ABCB4: variants seen among roughly 807,000 people sequenced by gnomAD.
ABCB4 encodes the protein ATP binding cassette subfamily B member 4.
A neutral mutation model predicts 145.7 loss-of-function variants in ABCB4; 76 were observed. That is an observed-to-expected ratio of 0.52 (90% CI 0.43 to 0.63). The LOEUF is 0.63. ABCB4 is among the 30% of genes least tolerant of loss of function. ABCB4 has a pLI of 0.00. For synonymous variants in ABCB4, 517 were observed against 566.8 expected (o/e 0.91, Z 1.25); for missense variants, 1,234 against 1,553.1 (o/e 0.79, Z 3.45).
the ABCB4 span, chr7:87,369,253 T>C: frequency 1.7e-6 from 1 of 574,874 alleles, no homozygotes; most frequent in Non-Finnish European, 3.1e-6. Context: ...ATGTGATATA[T>C]TTGATGACTA....
At chr7:87,465,473 G>A (rs1238558444) in intron 3 of ABCB4, among the ~76,000 whole-genome samples, 1 of 152,184 alleles carries the variant, frequency 6.6e-6, no homozygotes, top group East Asian at 1.9e-4. Flanking sequence ...TGCCTCTAGG[G>A]GTAGGGCATA....
At chr7:87,436,073 A>G (rs950806301) in intron 14 of ABCB4, among the ~76,000 whole-genome samples, 1 of 152,222 alleles carries the variant, frequency 6.6e-6, no homozygotes, top group Admixed American at 6.5e-5. Context: ...TAGACAGACT[A>G]TAGGAGAGAC....
chr7:87,391,229 G>A, the ABCB4 span, among the ~76,000 whole-genome samples: 2 of 152,214 alleles, frequency 1.3e-5, no homozygotes, highest in Non-Finnish European at 2.9e-5. Flanking sequence ...TTGCAGATGT[G>A]ATATCCCATC....
chr7:87,393,284 C>T, the ABCB4 span, among the ~76,000 whole-genome samples: 4 of 152,082 alleles, frequency 2.6e-5, no homozygotes, highest in Admixed American at 1.3e-4. Context: ...TGTCTTTATG[C>T]AGAACACTGT....
At chr7:87,368,959 A>C in the ABCB4 span, among the ~76,000 whole-genome samples, 1 of 152,250 alleles carries the variant, frequency 6.6e-6, no homozygotes, top group Non-Finnish European at 1.5e-5. Context: ...TCATAGCTAG[A>C]TATTACTGCA....
At chr7:87,374,795 T>C in the ABCB4 span, among the ~76,000 whole-genome samples, 1 of 152,034 alleles carries the variant, frequency 6.6e-6, no homozygotes, top group African/African-American at 2.4e-5. Context: ...AATTCCAATT[T>C]TGAATGATGA....
rs1284572827 is a variant in ABCB4, at chr7:87,407,892, T to G, written c.3279+145A>C. 3.1e-6 allele frequency: 3 copies of G among 954,290 alleles called. No individual in the cohort carries two copies. In the African/African-American group the frequency reaches 4.8e-5, roughly 15 times the overall value. 59.1% of individuals were successfully genotyped at this position (954,290 alleles called of 1,614,324 possible). ...ATTGTCCCCATATATTTCCCAGATA[T>G]GGTGCCAGTTGGGGTTTATAGAATG... On this transcript the variant is annotated intron_variant, in intron 25 of 27. Coordinates refer to ENST00000649586, the MANE Select transcript of ABCB4 (RefSeq NM_000443.4).
the ABCB4 span, among the ~76,000 whole-genome samples, chr7:87,378,194 A>C: frequency 6.6e-6 from 1 of 151,898 alleles, no homozygotes; most frequent in Non-Finnish European, 1.5e-5. Context: ...AAATACAAAA[A>C]TTAGCCTCAC....
chr7:87,395,516 C>T, the ABCB4 span, among the ~76,000 whole-genome samples: 1 of 152,198 alleles, frequency 6.6e-6, no homozygotes, highest in Non-Finnish European at 1.5e-5. Flanking sequence ...GCCAACACTA[C>T]TGTTTTGTGC....
At chr7:87,432,204 C>A (rs1410219795) in intron 14 of ABCB4, among the ~76,000 whole-genome samples, 2 of 152,066 alleles carry the variant, frequency 1.3e-5, no homozygotes, top group Admixed American at 6.6e-5. Context: ...GTTTAGTGGC[C>A]TCATATGTTT....
Position 87,440,404 on chromosome 7 carries a change from TGAAA to T in ABCB4, c.1357-6_1357-3del. The stretch of plus-strand genomic sequence containing the variant: ...AATATCCTGCCCATCAATGTTAATC[TGAAA>T]GAAAGAAATATTTCCTATTAAGTAT... On this transcript the variant is annotated splice_polypyrimidine_tract_variant and splice_region_variant and intron_variant, in intron 12 of 27. Coordinates refer to ENST00000649586, the MANE Select transcript of ABCB4 (RefSeq NM_000443.4). 6.2e-7 allele frequency: 1 copy of T among 1,612,752 alleles called. No homozygotes were observed.
At chr7:87,378,160 G>A in the ABCB4 span, among the ~76,000 whole-genome samples, 1 of 151,812 alleles carries the variant, frequency 6.6e-6, no homozygotes, top group Admixed American at 6.6e-5. Flanking sequence ...TCTGGGCAAT[G>A]GCATGAAACC....
chr7:87,442,049 T>C (rs1401029261), intron 12 of ABCB4, among the ~76,000 whole-genome samples: 1 of 152,222 alleles, frequency 6.6e-6, no homozygotes, highest in Non-Finnish European at 1.5e-5. Flanking sequence ...AGTGAATATC[T>C]CTGAGTTATA....
chr7:87,398,285 G>C, downstream of ABCB4: 3 of 651,058 alleles, frequency 4.6e-6, no homozygotes, highest in Non-Finnish European at 8.5e-6. Context: ...GCACTCTAGG[G>C]CTCTAGCTAA....
chr7:87,469,326 C>T (rs1813187350), intron 3 of ABCB4, among the ~76,000 whole-genome samples: 1 of 152,170 alleles, frequency 6.6e-6, no homozygotes, highest in African/African-American at 2.4e-5. Flanking sequence ...ACAGGATGCC[C>T]TCTCTCACCA....
At chr7:87,475,745 G>T (rs1445509885), upstream of ABCB4, 86 of 307,396 alleles carry the variant, frequency 2.8e-4, no homozygotes, top group Non-Finnish European at 4.1e-4. Context: ...CGCCCCCCAC[G>T]CGCGTCCGGC....
chr7:87,366,280 G>A, the ABCB4 span, among the ~76,000 whole-genome samples: 1 of 151,974 alleles, frequency 6.6e-6, no homozygotes, highest in East Asian at 1.9e-4. Flanking sequence ...AGGGCCTGTG[G>A]GAGGTGTTGG....
In ABCB4 at chr7:87,417,154, A is replaced by G. The variant is rs4148829; in HGVS notation, c.2682+158T>C. 0.11 allele frequency among the ~76,000 whole-genome samples: 16,545 copies of G among 152,302 alleles called. 1,100 individuals are homozygous for G. The highest frequency in any genetic ancestry group is 0.19 in the African/African-American group (7,771 of 41,560). ...ATCACCTTATATTTAAGTTCTAGAC[A>G]TTAATACAGTAAAATATTTCATACA... On this transcript the variant is annotated intron_variant, in intron 21 of 27. Coordinates refer to ENST00000649586, the MANE Select transcript of ABCB4 (RefSeq NM_000443.4).
chr7:87,418,629 T>A lies in ABCB4; in HGVS notation c.2395-9A>T. ...TCAAACCAGCTCATGTCCTATGGCA[T>A]AAAATACACGTTTATGTTAGTTCAA... On this transcript the variant is annotated splice_polypyrimidine_tract_variant and intron_variant, in intron 19 of 27. Coordinates refer to ENST00000649586, the MANE Select transcript of ABCB4 (RefSeq NM_000443.4). 6 of 1,612,996 alleles carry A rather than the reference T, an allele frequency of 3.7e-6. No homozygotes were observed. The highest frequency in any genetic ancestry group is 5.1e-6 in the Non-Finnish European group (6 of 1,178,994).
Sources: allele counts gnomAD v4.1 joint callset (sites outside exome capture counted in the v4.1 genomes callset), GRCh38; gene constraint gnomAD v4.1.1; transcripts MANE v1.5; gene names NCBI Gene and HGNC (gene_info 2026-07-23, HGNC 2026-07-21).